MTCH2: variants seen among roughly 807,000 people sequenced by gnomAD.
The protein encoded by MTCH2 is mitochondrial carrier 2, also known as mitochondrial carrier homolog 2.
In MTCH2, 25 loss-of-function variants were observed where a neutral mutation model predicts 50.6. The observed-to-expected ratio is 0.49, with a 90% CI of 0.36 to 0.69. The LOEUF (loss-of-function observed/expected upper bound fraction) is 0.69. Among genes scored for constraint, MTCH2 ranks in the 30% least tolerant of loss-of-function variants. MTCH2 has a pLI of 0.00. For missense variants in MTCH2, 273 were observed against 384.4 expected (o/e 0.71, Z 2.42); for synonymous variants, 106 against 132.0 (o/e 0.80, Z 1.35).
rs146815730 is a variant in MTCH2 at position 47,634,586 on chromosome 11, C to A, written c.369+86G>T. On this transcript the variant is annotated intron_variant, in intron 5 of 12. Coordinates refer to ENST00000302503, the MANE Select transcript of MTCH2 (RefSeq NM_014342.4). ...ATTTCATTTGGGAACAGACACTGAA[C>A]ACACAGGCCTGATGATTCTGATTCC... 1.5e-4 allele frequency: 152 copies of A among 1,024,232 alleles called. 1 individual carries two copies. The African/African-American group carries it at 2.3e-3, about 15-fold the overall frequency. The allele number at this position is 1,024,232 out of a possible 1,614,324, so 63.4% of individuals were successfully genotyped here. A position where few individuals can be genotyped will look rare whatever the true frequency, so the allele number is the denominator to read the frequency against.
chr11:47,617,758 T>C lies in MTCH2; in HGVS notation c.*1075A>G, dbSNP rs1463380002. ...TCTCCCAAAGTGATTTTTTTCCTCC[T>C]ATAAATGTTAACATGCTTAACTGAG... On this transcript the variant is annotated 3_prime_UTR_variant, in exon 13 of 13. Coordinates refer to ENST00000302503, the MANE Select transcript of MTCH2 (RefSeq NM_014342.4). 6.6e-6 allele frequency: 1 copy of C among 152,234 alleles called. No homozygotes were observed. The highest frequency in any genetic ancestry group is 1.5e-5 in the Non-Finnish European group (1 of 68,028). The allele number at this position is 152,234 out of a possible 1,614,324, so 9.4% of individuals were successfully genotyped here.
At chr11:47,610,186 C>T in the MTCH2 span, among the ~76,000 whole-genome samples, 1 of 152,050 alleles carries the variant, frequency 6.6e-6, no homozygotes, top group Admixed American at 6.6e-5. Flanking sequence ...TGTGCCAGTC[C>T]CTGTTCTAGG....
rs373692277 is a variant in MTCH2 at position 47,642,454 on chromosome 11, C to T, written c.12G>A (p.Ala4=). The T allele has an allele frequency of 3.8e-5, 54 of 1,409,060 alleles. No homozygotes were observed. In the Middle Eastern group the frequency reaches 8.7e-4, roughly 23 times the overall value. 87.3% of individuals were successfully genotyped at this position (1,409,060 alleles called of 1,614,324 possible). A position where few individuals can be genotyped will look rare whatever the true frequency, so the allele number is the denominator to read the frequency against. ...CGGAGCCCAGGAGCACCTGACTGGC[C>T]GCGTCCGCCATGATGGCACCCGCGG... MAD[A]ASQVLLGSGL... Residue 4 remains alanine, a synonymous_variant, in exon 1 of 13, where the codon GCG becomes GCA. Coordinates refer to ENST00000302503, the MANE Select transcript of MTCH2 (RefSeq NM_014342.4).
At chr11:47,640,479 C>T (rs888817149) in intron 1 of MTCH2, among the ~76,000 whole-genome samples, 16 of 152,238 alleles carry the variant, frequency 1.1e-4, no homozygotes, top group African/African-American at 3.6e-4. Context: ...TGCAGTGGCA[C>T]GATCTAGGTC....
chr11:47,604,939 G>A, the MTCH2 span, among the ~76,000 whole-genome samples: 1 of 149,382 alleles, frequency 6.7e-6, no homozygotes, highest in African/African-American at 2.5e-5. Context: ...TGTTTTTTTT[G>A]TTTTTTTTTG....
At chr11:47,630,685 T>G in intron 7 of MTCH2, 71 bp from the exon 8 acceptor site, 5 of 1,404,620 alleles carry the variant, frequency 3.6e-6, no homozygotes, top group South Asian at 1.2e-5. Flanking sequence ...TAATTTCAAT[T>G]ATCACATTGG....
At chr11:47,633,522 ATATATTTTT>A (rs1199891182) in intron 5 of MTCH2, among the ~76,000 whole-genome samples, 11 of 26,528 alleles carry the variant, frequency 4.1e-4, no homozygotes, top group East Asian at 1.3e-3. Context: ...ATATATATAT[ATATATTTTT>A]TTTTTTTTTT....
In MTCH2 at chr11:47,617,622, T is replaced by C. The variant is rs754677306; in HGVS notation, c.*1211A>G. On this transcript the variant is annotated 3_prime_UTR_variant, in exon 13 of 13. Coordinates refer to ENST00000302503, the MANE Select transcript of MTCH2 (RefSeq NM_014342.4). ...GCTTACTCATTTGGCAATGTCCCAG[T>C]GAGTTATATAAATAAGTGAAACCAC... 1 of 152,628 alleles carries C rather than the reference T, an allele frequency of 6.6e-6. No homozygotes were observed. The highest frequency in any genetic ancestry group is 1.5e-5 in the Non-Finnish European group (1 of 68,034). 9.5% of individuals were successfully genotyped at this position (152,628 alleles called of 1,614,324 possible).
chr11:47,618,917 C>T lies in MTCH2; in HGVS notation c.828G>A (p.Gly276=), dbSNP rs2097290670. ...ATAAGCTATTTCCTCGGCTCATATT[C>T]CCCTGGAAAACAAAACAAAACAAAA... ...IDCWCMLQKE[G]NMSRGNSLFF... The change falls in exon 13 of 13, where the codon GGG becomes GGA. Residue 276 remains glycine, a splice_region_variant and synonymous_variant. Coordinates refer to ENST00000302503, the MANE Select transcript of MTCH2 (RefSeq NM_014342.4). The T allele has an allele frequency of 1.2e-6, 2 of 1,610,458 alleles. No homozygotes were observed. Among genetic ancestry groups the T allele is most frequent in the Non-Finnish European group, 1.7e-6 (2 of 1,178,998 alleles).
chr11:47,610,102 T>A, the MTCH2 span, among the ~76,000 whole-genome samples: 2 of 152,118 alleles, frequency 1.3e-5, no homozygotes, highest in Non-Finnish European at 2.9e-5. Context: ...CTCAAGGACA[T>A]TCAGTGGATA....
intron 9 of MTCH2, among the ~76,000 whole-genome samples, chr11:47,627,903 T>A (rs1475973761): frequency 6.6e-6 from 1 of 152,162 alleles, no homozygotes; most frequent in Non-Finnish European, 1.5e-5. Flanking sequence ...TATACTAAAA[T>A]GCTTTAGGGA....
intron 1 of MTCH2, among the ~76,000 whole-genome samples, chr11:47,640,799 T>C (rs2097313431): frequency 6.7e-6 from 1 of 149,660 alleles, no homozygotes; most frequent in Admixed American, 6.6e-5. Flanking sequence ...TGTTGTGAAA[T>C]CAGAATTAAG....
chr11:47,606,553 G>A, the MTCH2 span, among the ~76,000 whole-genome samples: 2 of 152,192 alleles, frequency 1.3e-5, no homozygotes, highest in Admixed American at 6.5e-5. Context: ...TTCAGCAAAT[G>A]CGATAGCCTA....
rs111512195 is a variant in MTCH2, at chr11:47,618,477, C to A, written c.*356G>T. On this transcript the variant is annotated 3_prime_UTR_variant, in exon 13 of 13. Coordinates refer to ENST00000302503, the MANE Select transcript of MTCH2 (RefSeq NM_014342.4). ...TTTGTTAAGTTTTACAAAATTATTT[C>A]TCATTTTTCTTGGAATTCTACTCTT... 4.0e-5 allele frequency: 10 copies of A among 250,662 alleles called. No individual in the cohort carries two copies. Among genetic ancestry groups the A allele is most frequent in the African/African-American group, 1.6e-4 (7 of 42,814 alleles). The allele number at this position is 250,662 out of a possible 1,614,324, so 15.5% of individuals were successfully genotyped here.
intron 9 of MTCH2, among the ~76,000 whole-genome samples, chr11:47,627,578 A>G (rs1474237197): frequency 6.6e-6 from 1 of 151,898 alleles, no homozygotes; most frequent in African/African-American, 2.4e-5. Context: ...CTTGCTCTCC[A>G]TGTCAATATA....
rs1380364440 is a variant in MTCH2, at chr11:47,625,744, G to A, written c.682-3C>T. The A allele has an allele frequency of 1.3e-6, 2 of 1,509,616 alleles. No individual in the cohort carries two copies. Among genetic ancestry groups the A allele is most frequent in the South Asian group, 1.2e-5 (1 of 81,318 alleles). The allele number at this position is 1,509,616 out of a possible 1,614,324, so 93.5% of individuals were successfully genotyped here. ...TAGGTCAACATACTCGCAAAAAACTGTAAAATGGAAACAAGGCAGCTGTTA... is the reference window on the plus strand; with the variant it reads ...TAGGTCAACATACTCGCAAAAAACTATAAAATGGAAACAAGGCAGCTGTTA... On this transcript the variant is annotated splice_polypyrimidine_tract_variant and splice_region_variant and intron_variant, in intron 10 of 12. Transcript: ENST00000302503.
intron 5 of MTCH2, among the ~76,000 whole-genome samples, chr11:47,632,112 C>T (rs1009212185): frequency 6.6e-6 from 1 of 151,942 alleles, no homozygotes; most frequent in African/African-American, 2.4e-5. Context: ...TTTGGAGAGT[C>T]TGACATCATT....
intron 3 of MTCH2, among the ~76,000 whole-genome samples, chr11:47,638,461 A>C (rs1479854112): frequency 7.9e-6 from 1 of 126,488 alleles, no homozygotes; most frequent in Non-Finnish European, 1.7e-5. Flanking sequence ...CAGGAGAATG[A>C]CGTGAACCCG....
intron 2 of MTCH2, 62 bp downstream of exon 2, chr11:47,638,905 A>C: frequency 6.3e-7 from 1 of 1,577,056 alleles, no homozygotes; most frequent in Non-Finnish European, 8.7e-7. Flanking sequence ...TCTTTCAATA[A>C]CAACTCCTGC....
Sources: gnomAD v4.1 joint callset for allele counts (sites outside exome capture counted in the v4.1 genomes callset) on GRCh38, gnomAD v4.1.1 for gene constraint, MANE v1.5 for transcripts, NCBI Gene and HGNC (gene_info 2026-07-23, HGNC 2026-07-21) for gene names.